DHX16: variants seen among roughly 807,000 people sequenced by gnomAD.
DHX16 encodes the protein pre-mRNA-splicing factor ATP-dependent RNA helicase DHX16.
In DHX16, 81 loss-of-function variants were observed where a neutral mutation model predicts 131.2. That is an observed-to-expected ratio of 0.62 (90% confidence interval 0.52 to 0.74). The LOEUF (loss-of-function observed/expected upper bound fraction) is 0.74, where lower values mean the gene tolerates loss of function less well. Among genes scored for constraint, DHX16 ranks in the 30% least tolerant of loss-of-function variants. DHX16 has a pLI of 0.00. For missense variants in DHX16, 980 were observed against 1,363.1 expected, an observed-to-expected ratio of 0.72 and a Z score of 4.43; for synonymous variants, 440 against 520.2, an observed-to-expected ratio of 0.85 and a Z score of 2.10.
intron 1 of DHX16, 28 bp downstream of exon 1, chr6:30,672,607 C>T (rs1562005052): frequency 6.3e-7 from 1 of 1,587,586 alleles, no homozygotes; most frequent in Admixed American, 1.7e-5. Context: ...GGACAAATCA[C>T]AGGGCCCCTC....
chr6:30,668,806 T>A (rs1392277007), intron 4 of DHX16, among the ~76,000 whole-genome samples: 1 of 152,138 alleles, frequency 6.6e-6, no homozygotes, highest in Non-Finnish European at 1.5e-5. Context: ...AGGCCATTCT[T>A]AGAACTCCAA....
intron 7 of DHX16, among the ~76,000 whole-genome samples, chr6:30,663,718 C>T: frequency 9.2e-6 from 1 of 108,576 alleles, no homozygotes; most frequent in African/African-American, 3.7e-5. Flanking sequence ...AAGACTCTGT[C>T]TCAAAAAAAA....
intron 12 of DHX16, among the ~76,000 whole-genome samples, chr6:30,658,465 C>T (rs1342399103): frequency 6.6e-6 from 1 of 151,738 alleles, no homozygotes; most frequent in Non-Finnish European, 1.5e-5. Flanking sequence ...ATCGCTTGAA[C>T]CTGTGAGGCA....
Position 30,670,334 on chromosome 6 carries a change from C to T in DHX16, c.666+76G>A. 1 of 1,431,650 alleles carries T rather than the reference C, an allele frequency of 7.0e-7. No homozygotes were observed. Among genetic ancestry groups the T allele is most frequent in the Non-Finnish European group, 9.5e-7 (1 of 1,048,428 alleles). The allele number at this position is 1,431,650 out of a possible 1,614,324, so 88.7% of individuals were successfully genotyped here. A position where few individuals can be genotyped will look rare whatever the true frequency, so the allele number is the denominator to read the frequency against. ...ATCCACACTGTGCTTCCTCTGTATCCTCTCTCCCTATACACTCTATCAGAA... is the reference window on the plus strand; with the variant it reads ...ATCCACACTGTGCTTCCTCTGTATCTTCTCTCCCTATACACTCTATCAGAA... On this transcript the variant is annotated intron_variant, in intron 4 of 19. Transcript: ENST00000376442. The surrounding 1 kb of genome is among the most constrained non-coding windows in gnomAD (Gnocchi z 4.4).
intron 4 of DHX16, among the ~76,000 whole-genome samples, chr6:30,667,725 G>A (rs529964487): frequency 6.6e-6 from 1 of 152,210 alleles, no homozygotes; most frequent in South Asian, 2.1e-4. Flanking sequence ...ATACACAACT[G>A]GATAGTATGT....
At chr6:30,664,734 A>C in intron 7 of DHX16, 67 bp downstream of exon 7, 2 of 1,385,600 alleles carry the variant, frequency 1.4e-6, no homozygotes, top group Non-Finnish European at 2.0e-6. Context: ...ATGTAAAAGG[A>C]GCTCTGACAG....
chr6:30,663,387 G>A (rs9262139), intron 7 of DHX16, among the ~76,000 whole-genome samples: 20,152 of 151,946 alleles, frequency 0.13, 1,626 homozygotes, highest in South Asian at 0.32. Flanking sequence ...TCAGGAGTTC[G>A]AGACCAGCCT....
Position 30,672,794 on chromosome 6 carries a change from G to C in DHX16, c.48C>G (p.His16Gln), listed in dbSNP as rs1769702544. The change falls in exon 1 of 20, where the codon CAC becomes CAG. Residue 16 changes from histidine to glutamine, a missense_variant. His to Gln is a conservative substitution (Grantham distance 24). Transcript: ENST00000376442. Reference protein sequence around the residue: ...GLERWVQDELHSVLGLSERHV... With the variant: ...GLERWVQDELQSVLGLSERHV... ...GCCGCTCGCTCAGCCCCAACACCGA[G>C]TGCAGCTCGTCCTGAACCCAGCGCT... 6.2e-7 allele frequency: 1 copy of C among 1,612,868 alleles called. No homozygotes were observed.
At chr6:30,669,290 G>A (rs569425841) in intron 4 of DHX16, among the ~76,000 whole-genome samples, 1 of 148,788 alleles carries the variant, frequency 6.7e-6, no homozygotes, top group Admixed American at 6.7e-5. Flanking sequence ...GTGTGGTACT[G>A]CAGGCCTGTA....
In DHX16 at chr6:30,656,994, G is replaced by A. The variant is rs1490507940; in HGVS notation, c.2106C>T (p.Pro702=). 1 of 1,613,036 alleles carries A rather than the reference G, an allele frequency of 6.2e-7. No individual in the cohort carries two copies. Residue 702 remains proline (P), a synonymous_variant, in exon 13 of 20, where the codon CCC becomes CCT. Coordinates refer to ENST00000376442, the MANE Select transcript of DHX16 (RefSeq NM_003587.5). The surrounding 1 kb of genome is among the most constrained non-coding windows in gnomAD (Gnocchi z 5.1). ...CAGTGAGCGATTCCATGCCTGTGCG[G>A]GGGTTGTAGCTCTTCTGCTTACAGA... ...PGFCKQKSYN[P]RTGMESLTVT...
At position 30,670,486 on chromosome 6, in the gene DHX16, T is replaced by C. The variant is rs915559554; in HGVS notation, c.610-20A>G. Reference sequence around the variant, plus strand: ...ATAAGCCTAGAAGAAAAAACAAGAATGGAGGGGTGTGAGGCCAAAGAGCCC... The same window carrying C: ...ATAAGCCTAGAAGAAAAAACAAGAACGGAGGGGTGTGAGGCCAAAGAGCCC... On this transcript the variant is annotated intron_variant, in intron 3 of 19. Transcript: ENST00000376442. This position sits in a 1 kb window ranked among gnomAD's most constrained non-coding sequence, Gnocchi z 4.4. 5.6e-6 allele frequency: 9 copies of C among 1,608,406 alleles called. No individual in the cohort carries two copies. Among genetic ancestry groups the C allele is most frequent in the Non-Finnish European group, 7.6e-6 (9 of 1,177,466 alleles).
At chr6:30,666,996 T>C (rs1769102048) in intron 4 of DHX16, among the ~76,000 whole-genome samples, 1 of 151,756 alleles carries the variant, frequency 6.6e-6, no homozygotes, top group Admixed American at 6.6e-5. Flanking sequence ...GGGCAAAAAA[T>C]CAGAGCCATT....
rs1260155951 is a variant in DHX16 at position 30,670,482 on chromosome 6, A to G, written c.610-16T>C. The G allele has an allele frequency of 3.7e-6, 6 of 1,609,820 alleles. No individual in the cohort carries two copies. The highest frequency in any genetic ancestry group is 3.4e-6 in the Non-Finnish European group (4 of 1,178,184). On this transcript the variant is annotated splice_polypyrimidine_tract_variant and intron_variant, in intron 3 of 19. Coordinates refer to ENST00000376442, the MANE Select transcript of DHX16 (RefSeq NM_003587.5). This position sits in a 1 kb window ranked among gnomAD's most constrained non-coding sequence, Gnocchi z 4.4. ...CTTCATAAGCCTAGAAGAAAAAACA[A>G]GAATGGAGGGGTGTGAGGCCAAAGA...
In DHX16 at chr6:30,665,864, T is replaced by C; in HGVS notation, c.667-131A>G. 1 of 1,173,406 alleles carries C rather than the reference T, an allele frequency of 8.5e-7. No homozygotes were observed. The highest frequency in any genetic ancestry group is 1.6e-5 in the South Asian group (1 of 64,328). 72.7% of individuals were successfully genotyped at this position (1,173,406 alleles called of 1,614,324 possible). The stretch of plus-strand genomic sequence containing the variant: ...CTCAGGATGCACCCTCTACCTTCCC[T>C]CTGCAATGCACAACCAAAACAATGA... On this transcript the variant is annotated intron_variant, in intron 4 of 19. Coordinates refer to ENST00000376442, the MANE Select transcript of DHX16 (RefSeq NM_003587.5). This position sits in a 1 kb window ranked among gnomAD's most constrained non-coding sequence, Gnocchi z 4.8.
intron 9 of DHX16, chr6:30,660,625 AATCCCAGC>A (rs1259939964): frequency 1.1e-5 from 2 of 182,916 alleles, no homozygotes; most frequent in African/African-American, 2.3e-5. Flanking sequence ...TCACGCCTGT[AATCCCAGC>A]ACCTTGGGAG....
chr6:30,656,583 G>C lies in DHX16; in HGVS notation c.2311+14C>G. On this transcript the variant is annotated intron_variant, in intron 14 of 19. Transcript: ENST00000376442. The surrounding 1 kb of genome is among the most constrained non-coding windows in gnomAD (Gnocchi z 5.1). The stretch of plus-strand genomic sequence containing the variant: ...ACTCCAGCCCCTCCCTCCTCTCTCA[G>C]GTAGCCCAATCACCTAAGCTCTTGA... 6.2e-7 allele frequency: 1 copy of C among 1,614,136 alleles called. No homozygotes were observed. The highest frequency in any genetic ancestry group is 8.5e-7 in the Non-Finnish European group (1 of 1,180,024).
chr6:30,654,199 C>T (rs1251479454), intron 19 of DHX16, among the ~76,000 whole-genome samples: 1 of 152,170 alleles, frequency 6.6e-6, no homozygotes, highest in Non-Finnish European at 1.5e-5. Context: ...AGCACCTATA[C>T]AGTAGCCATT....
chr6:30,655,081 C>T, intron 18 of DHX16, 94 bp downstream of exon 18: 1 of 1,533,810 alleles, frequency 6.5e-7, no homozygotes, highest in Admixed American at 1.7e-5. Flanking sequence ...AGAGGGCATG[C>T]TCTCACGCTG....
intron 19 of DHX16, among the ~76,000 whole-genome samples, chr6:30,654,474 CCA>C (rs1380201852): frequency 6.6e-6 from 1 of 152,040 alleles, no homozygotes; most frequent in Non-Finnish European, 1.5e-5. Context: ...CTCTTGAACC[CCA>C]GAGGCAGAGG....
Sources: allele counts gnomAD v4.1 joint callset (sites outside exome capture counted in the v4.1 genomes callset), GRCh38; gene constraint gnomAD v4.1.1; non-coding constraint Gnocchi (gnomAD v3.1); transcripts MANE v1.5; gene names NCBI Gene and HGNC (gene_info 2026-07-23, HGNC 2026-07-21).